Variants in AGTR1 observed in about 807,000 individuals in gnomAD.
AGTR1 encodes type-1 angiotensin II receptor.
A neutral mutation model predicts 19.4 loss-of-function variants in AGTR1; 16 were observed. The ratio of observed to expected loss-of-function variants is 0.82; its 90% CI spans 0.56 to 1.25. The LOEUF is 1.25. AGTR1 is among the 50% of genes most tolerant of loss of function. The pLI, the probability that AGTR1 is intolerant of heterozygous loss-of-function variation, is 0.00. For missense variants in AGTR1, 373 were observed against 431.9 expected (o/e 0.86, Z 1.21); for synonymous variants, 153 against 154.9 (o/e 0.99, Z 0.09).
In AGTR1 at chr3:148,741,225, A is replaced by G; in HGVS notation, c.190A>G (p.Ser64Gly). 6.2e-7 allele frequency: 1 copy of G among 1,614,114 alleles called. No individual in the cohort carries two copies. Among genetic ancestry groups the G allele is most frequent in the South Asian group, 1.1e-5 (1 of 91,078 alleles). Residue 64 changes from serine (S) to glycine (G), a missense_variant, in exon 3 of 3, where the codon AGT becomes GGT. Transcript: ENST00000349243. ...TTATATGAAGCTGAAGACTGTGGCC[A>G]GTGTTTTTCTTTTGAATTTAGCACT... ...YFYMKLKTVA[S>G]VFLLNLALAD... is the part of the protein sequence containing the mutation.
chr3:148,727,299 T>C (rs796922583), intron 2 of AGTR1, among the ~76,000 whole-genome samples: 39 of 152,322 alleles, frequency 2.6e-4, no homozygotes, highest in African/African-American at 9.1e-4. Context: ...CATGTTATAT[T>C]TAATGTACTG....
At position 148,741,670 on chromosome 3, in the gene AGTR1, T is replaced by A; in HGVS notation, c.635T>A (p.Leu212His). 1 of 1,614,116 alleles carries A rather than the reference T, an allele frequency of 6.2e-7. No homozygotes were observed. Among genetic ancestry groups the A allele is most frequent in the East Asian group, 2.2e-5 (1 of 44,888 alleles). Residue 212 changes from leucine to histidine, a missense_variant, in exon 3 of 3, where the codon CTT becomes CAT. Physicochemically the swap from Leu to His is moderately conservative, Grantham distance 99 (BLOSUM62 -3). Transcript: ENST00000349243. Reference protein sequence around the residue: ...LGFLFPFLIILTSYTLIWKAL... With the variant: ...LGFLFPFLIIHTSYTLIWKAL... Reference sequence around the variant, plus strand: ...TTCCTGTTTCCTTTTCTGATCATTCTTACAAGTTATACTCTTATTTGGAAG... The same window carrying A: ...TTCCTGTTTCCTTTTCTGATCATTCATACAAGTTATACTCTTATTTGGAAG...
At chr3:148,725,697 G>A (rs1172477313) in intron 2 of AGTR1, among the ~76,000 whole-genome samples, 2 of 152,128 alleles carry the variant, frequency 1.3e-5, no homozygotes, top group South Asian at 2.1e-4. Flanking sequence ...TGGCCAGGCT[G>A]GTCTCAAACT....
Position 148,742,333 on chromosome 3 carries a change from T to C in AGTR1, c.*218T>C. On this transcript the variant is annotated 3_prime_UTR_variant, in exon 3 of 3. Coordinates refer to ENST00000349243, the MANE Select transcript of AGTR1 (RefSeq NM_000685.5). ...AAAGCCACATTTTGCATTAGACAGA[T>C]GACGGCTGCTCGAAGAACAATGTCA... The C allele has an allele frequency of 1.4e-6, 1 of 694,568 alleles. No homozygotes were observed. Among genetic ancestry groups the C allele is most frequent in the Non-Finnish European group, 2.6e-6 (1 of 383,434 alleles). The allele number at this position is 694,568 out of a possible 1,614,324, so 43.0% of individuals were successfully genotyped here. A position where few individuals can be genotyped will look rare whatever the true frequency, so the allele number is the denominator to read the frequency against.
intron 1 of AGTR1, among the ~76,000 whole-genome samples, chr3:148,705,453 A>G (rs1040188902): frequency 1.3e-5 from 2 of 152,120 alleles, no homozygotes; most frequent in Admixed American, 6.6e-5. Flanking sequence ...CATTCAAATG[A>G]TGTCACTTCA....
Position 148,741,288 on chromosome 3 carries a change from G to A in AGTR1, c.253G>A (p.Ala85Thr), listed in dbSNP as rs774646145. 4.3e-6 allele frequency: 7 copies of A among 1,612,756 alleles called. No individual in the cohort carries two copies. Among genetic ancestry groups the A allele is most frequent in the Non-Finnish European group, 5.1e-6 (6 of 1,180,020 alleles). ...CTTTTTACTGACTTTGCCACTATGG[G>A]CTGTCTACACAGCTATGGAATACCG... ...LCFLLTLPLW[A>T]VYTAMEYRWP... Residue 85 changes from alanine to threonine, a missense_variant, in exon 3 of 3, where the codon GCT (alanine) becomes ACT (threonine). Ala to Thr is a moderately conservative substitution (Grantham distance 58, BLOSUM62 0). Transcript: ENST00000349243.
intron 1 of AGTR1, among the ~76,000 whole-genome samples, chr3:148,705,799 A>C (rs888500599): frequency 2.6e-5 from 4 of 151,836 alleles, no homozygotes; most frequent in African/African-American, 9.7e-5. Context: ...TAACATATGA[A>C]TCGTAAGTGT....
intron 2 of AGTR1, among the ~76,000 whole-genome samples, chr3:148,721,819 A>T (rs1713654567): frequency 6.6e-6 from 1 of 152,192 alleles, no homozygotes; most frequent in Admixed American, 6.5e-5. Flanking sequence ...ACCCAAACGT[A>T]TTAGAGAGAA....
chr3:148,740,184 A>G (rs1246522747), intron 2 of AGTR1, among the ~76,000 whole-genome samples: 1 of 152,228 alleles, frequency 6.6e-6, no homozygotes, highest in South Asian at 2.1e-4. Context: ...CCCTCAGTAA[A>G]GACATGCTTT....
chr3:148,699,093 C>G (rs1036775201), intron 1 of AGTR1, among the ~76,000 whole-genome samples: 1 of 152,158 alleles, frequency 6.6e-6, no homozygotes, highest in African/African-American at 2.4e-5. Flanking sequence ...TACTCCCCCC[C>G]TTCAGGAGCC....
intron 2 of AGTR1, among the ~76,000 whole-genome samples, chr3:148,735,352 G>T (rs541469080): frequency 2.3e-4 from 35 of 152,278 alleles, no homozygotes; most frequent in African/African-American, 8.4e-4. Context: ...TCAAGGGAGT[G>T]CTGTACCCCC....
chr3:148,725,108 G>A (rs1713854196), intron 2 of AGTR1, among the ~76,000 whole-genome samples: 1 of 152,158 alleles, frequency 6.6e-6, no homozygotes, highest in African/African-American at 2.4e-5. Flanking sequence ...CACATGTTAA[G>A]TCAGATAATT....
intron 2 of AGTR1, among the ~76,000 whole-genome samples, chr3:148,713,153 C>T (rs911273883): frequency 2.6e-5 from 4 of 152,098 alleles, no homozygotes; most frequent in Non-Finnish European, 5.9e-5. Context: ...GTGACAAATA[C>T]AACAGGCCTA....
intron 2 of AGTR1, among the ~76,000 whole-genome samples, chr3:148,737,322 A>G (rs1198984119): frequency 6.6e-6 from 1 of 151,990 alleles, no homozygotes; most frequent in Non-Finnish European, 1.5e-5. Flanking sequence ...TGATGACACC[A>G]TCTCTACTCC....
intron 1 of AGTR1, among the ~76,000 whole-genome samples, chr3:148,703,338 T>C (rs1203356028): frequency 6.6e-6 from 1 of 152,210 alleles, no homozygotes; most frequent in Non-Finnish European, 1.5e-5. Flanking sequence ...GACCCATTGA[T>C]TGCATAAGAA....
At position 148,741,349 on chromosome 3, in the gene AGTR1, C is replaced by A. The variant is rs1258458257; in HGVS notation, c.314C>A (p.Ser105Ter). Residue 105 changes from serine (S) to a stop codon, truncating the protein, a stop_gained, in exon 3 of 3, where the codon TCA becomes TAA. Transcript: ENST00000349243. LOFTEE classifies it high-confidence loss of function. Reference sequence around the variant, plus strand: ...GGCAATTACCTATGTAAGATTGCTTCAGCCAGCGTCAGTTTCAACCTGTAC... The same window carrying A: ...GGCAATTACCTATGTAAGATTGCTTAAGCCAGCGTCAGTTTCAACCTGTAC... Reference protein sequence around the residue: ...PFGNYLCKIASASVSFNLYAS... With the variant: ...PFGNYLCKIA 4 of 1,606,162 alleles carry A rather than the reference C, an allele frequency of 2.5e-6. No individual in the cohort carries two copies. Among genetic ancestry groups the A allele is most frequent in the Non-Finnish European group, 3.4e-6 (4 of 1,179,484 alleles).
intron 2 of AGTR1, among the ~76,000 whole-genome samples, chr3:148,709,149 C>T (rs1341605170): frequency 7.3e-6 from 1 of 136,308 alleles, no homozygotes; most frequent in East Asian, 2.1e-4. Context: ...TCAGGTATAG[C>T]GAAGCTTGGG....
At chr3:148,706,756 CCTCATT>C (rs1712690552) in intron 1 of AGTR1, among the ~76,000 whole-genome samples, 1 of 151,852 alleles carries the variant, frequency 6.6e-6, no homozygotes. Flanking sequence ...AGAAGTTCAA[CCTCATT>C]CATAATTAAC....
At chr3:148,713,956 G>A (rs1204632780) in intron 2 of AGTR1, among the ~76,000 whole-genome samples, 1 of 152,142 alleles carries the variant, frequency 6.6e-6, no homozygotes, top group African/African-American at 2.4e-5. Flanking sequence ...CAACTATCAT[G>A]ACCTAGAAGT....
Sources: gnomAD v4.1 joint callset for allele counts (sites outside exome capture counted in the v4.1 genomes callset) on GRCh38, gnomAD v4.1.1 for gene constraint, MANE v1.5 for transcripts, NCBI Gene and HGNC (gene_info 2026-07-23, HGNC 2026-07-21) for gene names.